WSB1: variants seen among roughly 807,000 people sequenced by gnomAD.
WSB1 encodes WD repeat and SOCS box containing 1.
WSB1 carries 23 observed loss-of-function variants against 50.2 expected under a neutral mutation model. The ratio of observed to expected loss-of-function variants is 0.46; its 90% CI spans 0.33 to 0.65. The LOEUF (loss-of-function observed/expected upper bound fraction) is 0.65, where lower values mean the gene tolerates loss of function less well. Ranked by LOEUF, WSB1 falls within the 30% of genes least tolerant of loss-of-function variation. The probability of loss-of-function intolerance (pLI) is 0.02; values close to 1 mark genes in which losing one functional copy is unlikely to be tolerated. For synonymous variants in WSB1, 179 were observed against 172.0 expected (o/e 1.04, Z -0.32); for missense variants, 492 against 522.3 (o/e 0.94, Z 0.56).
chr17:27,305,386 G>A (rs1302067431), intron 4 of WSB1, among the ~76,000 whole-genome samples: 3 of 152,250 alleles, frequency 2.0e-5, no homozygotes, highest in Non-Finnish European at 4.4e-5. Context: ...GCTAGGTTAA[G>A]AAGTGCTTTT....
chr17:27,307,266 T>G (rs888003848), intron 5 of WSB1: 5 of 213,318 alleles, frequency 2.3e-5, no homozygotes, highest in East Asian at 1.3e-4. Flanking sequence ...TCCCAGCTGG[T>G]CCTGTACATT....
chr17:27,313,924 A>G lies in WSB1; in HGVS notation c.*1555A>G, dbSNP rs888993629. On this transcript the variant is annotated 3_prime_UTR_variant, in exon 9 of 9. Coordinates refer to ENST00000262394, the MANE Select transcript of WSB1 (RefSeq NM_015626.10). Reference sequence around the variant, plus strand: ...AGAGAAAAGTATCTTTTAGTGGGGAACTACCAGCCTATAGTAAGTCTATCT... The same window carrying G: ...AGAGAAAAGTATCTTTTAGTGGGGAGCTACCAGCCTATAGTAAGTCTATCT... The G allele has an allele frequency of 5.3e-5, 8 of 152,230 alleles. No homozygotes were observed. Among genetic ancestry groups the G allele is most frequent in the African/African-American group, 1.9e-4 (8 of 41,464 alleles). 9.4% of individuals were successfully genotyped at this position (152,230 alleles called of 1,614,324 possible). A position where few individuals can be genotyped will look rare whatever the true frequency, so the allele number is the denominator to read the frequency against.
At chr17:27,302,164 A>G (rs558978431) in intron 2 of WSB1, among the ~76,000 whole-genome samples, 3 of 152,290 alleles carry the variant, frequency 2.0e-5, no homozygotes, top group Non-Finnish European at 4.4e-5. Flanking sequence ...TAATCCCAGC[A>G]CTTTGGGAGG....
chr17:27,311,756 C>T lies in WSB1; in HGVS notation c.1106+140C>T, dbSNP rs556293975. On this transcript the variant is annotated intron_variant, in intron 8 of 8. Coordinates refer to ENST00000262394, the MANE Select transcript of WSB1 (RefSeq NM_015626.10). ...AGGAGATTCTCCTGCCTCAGCCTCCCGAGTAGCTGGGACTACAGGTGCACA... is the reference window on the plus strand; with the variant it reads ...AGGAGATTCTCCTGCCTCAGCCTCCTGAGTAGCTGGGACTACAGGTGCACA... 40 of 650,256 alleles carry T rather than the reference C, an allele frequency of 6.2e-5. No individual in the cohort carries two copies. In the East Asian group the frequency reaches 7.2e-4, roughly 12 times the overall value. 40.3% of individuals were successfully genotyped at this position (650,256 alleles called of 1,614,324 possible).
At chr17:27,303,253 G>T (rs2017308294) in intron 2 of WSB1, 114 bp from the exon 3 acceptor site, 3 of 1,143,060 alleles carry the variant, frequency 2.6e-6, no homozygotes, top group Non-Finnish European at 3.7e-6. Context: ...ATTGTTATTT[G>T]GTGTCATTAT....
chr17:27,305,142 C>T (rs16965862), intron 4 of WSB1, among the ~76,000 whole-genome samples: 2,548 of 152,276 alleles, frequency 0.017, 31 homozygotes, highest in South Asian at 0.04. Context: ...TATTCAGAAA[C>T]TAACCACATA....
chr17:27,294,646 C>A (rs1214728240), intron 1 of WSB1, among the ~76,000 whole-genome samples: 1 of 152,166 alleles, frequency 6.6e-6, no homozygotes, highest in East Asian at 1.9e-4. Context: ...TGTGCTCCCT[C>A]GCGGTTGCTG....
At chr17:27,299,656 G>A (rs1324530977) in intron 1 of WSB1, among the ~76,000 whole-genome samples, 1 of 152,192 alleles carries the variant, frequency 6.6e-6, no homozygotes, top group Non-Finnish European at 1.5e-5. Context: ...ATGAGGGCCA[G>A]TACTAACTAG....
chr17:27,307,046 TA>T (rs2017491846), intron 5 of WSB1, 164 bp downstream of exon 5: 1 of 664,194 alleles, frequency 1.5e-6, no homozygotes, highest in Non-Finnish European at 2.5e-6. Context: ...AAATTAAATA[TA>T]GTTATTGATT....
At chr17:27,297,917 G>T (rs1466315283) in intron 1 of WSB1, among the ~76,000 whole-genome samples, 1 of 151,994 alleles carries the variant, frequency 6.6e-6, no homozygotes, top group East Asian at 1.9e-4. Context: ...AGACCAGCCT[G>T]GCCAACATGG....
chr17:27,308,245 A>G (rs1171037432), intron 5 of WSB1: 1 of 986,308 alleles, frequency 1.0e-6, no homozygotes, highest in East Asian at 1.1e-4. Flanking sequence ...TTACTCCAAG[A>G]GGAGAGATTG....
Position 27,294,338 on chromosome 17 carries a change from C to T in WSB1, c.-58C>T. On this transcript the variant is annotated 5_prime_UTR_variant, in exon 1 of 9. Transcript: ENST00000262394. The stretch of plus-strand genomic sequence containing the variant: ...GCGTCACGCCCCTCAGCGGTCGCCA[C>T]TCTCTTCTCTGTTGTTGGGTCCGCA... 6 of 1,599,446 alleles carry T rather than the reference C, an allele frequency of 3.8e-6. No homozygotes were observed. The highest frequency in any genetic ancestry group is 8.5e-7 in the Non-Finnish European group (1 of 1,169,744).
At chr17:27,311,637 T>C (rs1319725241) in intron 8 of WSB1, 21 bp downstream of exon 8, 111 of 1,214,334 alleles carry the variant, frequency 9.1e-5, no homozygotes, top group Non-Finnish European at 1.1e-4. Flanking sequence ...TTTTCTCTTT[T>C]TTTTTTTTTT....
rs1355097179 is a variant in WSB1, at chr17:27,313,586, A to G, written c.*1217A>G. The G allele has an allele frequency of 1.3e-5, 2 of 152,282 alleles. No homozygotes were observed. The highest frequency in any genetic ancestry group is 2.9e-5 in the Non-Finnish European group (2 of 68,008). 9.4% of individuals were successfully genotyped at this position (152,282 alleles called of 1,614,324 possible). A position where few individuals can be genotyped will look rare whatever the true frequency, so the allele number is the denominator to read the frequency against. On this transcript the variant is annotated 3_prime_UTR_variant, in exon 9 of 9. Transcript: ENST00000262394. ...TGCATTATGTAAAATGCTCAATTAT[A>G]TATTTTTGTTGAGTTTTTTAATTAA...
chr17:27,304,120 G>A (rs2017345933), intron 3 of WSB1, among the ~76,000 whole-genome samples: 2 of 151,956 alleles, frequency 1.3e-5, no homozygotes, highest in South Asian at 2.1e-4. Context: ...ACACTTTCTG[G>A]CATATAATAT....
chr17:27,309,076 A>G (rs774628034), intron 5 of WSB1, 24 bp from the exon 6 acceptor site: 4 of 1,583,038 alleles, frequency 2.5e-6, no homozygotes, highest in Admixed American at 1.8e-5. Context: ...GAATGAAGCT[A>G]TAACATTTGC....
At chr17:27,310,724 T>G (rs560638116) in intron 7 of WSB1, among the ~76,000 whole-genome samples, 4 of 152,334 alleles carry the variant, frequency 2.6e-5, no homozygotes, top group East Asian at 1.9e-4. Flanking sequence ...GAGAGGTTTT[T>G]TTTGTTTGTT....
intron 6 of WSB1, 110 bp from the exon 7 acceptor site, chr17:27,309,951 T>C (rs1375762855): frequency 1.3e-6 from 1 of 776,938 alleles, no homozygotes; most frequent in South Asian, 1.7e-5. Context: ...CTCAGTTATA[T>C]TAATTAAGGC....
In WSB1 at chr17:27,315,184, A is replaced by T. The variant is rs544798347; in HGVS notation, c.*2815A>T. 1.3e-5 allele frequency: 2 copies of T among 152,308 alleles called. No individual in the cohort carries two copies. The highest frequency in any genetic ancestry group is 3.9e-4 in the East Asian group (2 of 5,192). The allele number at this position is 152,308 out of a possible 1,614,324, so 9.4% of individuals were successfully genotyped here. A position where few individuals can be genotyped will look rare whatever the true frequency, so the allele number is the denominator to read the frequency against. On this transcript the variant is annotated 3_prime_UTR_variant, in exon 9 of 9. Transcript: ENST00000262394. ...AAAATAGGGAAGACGTTGATTATGG[A>T]CTTGGATCAGATTCTAGCTACATGA...
Sources: gnomAD v4.1 joint callset for allele counts (sites outside exome capture counted in the v4.1 genomes callset) on GRCh38, gnomAD v4.1.1 for gene constraint, MANE v1.5 for transcripts, NCBI Gene and HGNC (gene_info 2026-07-23, HGNC 2026-07-21) for gene names.